DHX57: variants seen among roughly 807,000 people sequenced by gnomAD.
DHX57 encodes the protein putative ATP-dependent RNA helicase DHX57.
Under a neutral mutation model 156.2 loss-of-function variants are expected in DHX57, and 105 were observed. The observed-to-expected ratio is 0.67, with a 90% CI of 0.57 to 0.79. The LOEUF (loss-of-function observed/expected upper bound fraction) is 0.79, where lower values mean the gene tolerates loss of function less well. DHX57 is among the 30% of genes least tolerant of loss of function. DHX57 has a pLI of 0.00. For synonymous variants in DHX57, 704 were observed against 595.6 expected, an observed-to-expected ratio of 1.18 and a Z score of -2.65; for missense variants, 1,847 against 1,661.9, an observed-to-expected ratio of 1.11 and a Z score of -1.94.
At chr2:38,831,882 C>T (rs1671402375) in intron 13 of DHX57, among the ~76,000 whole-genome samples, 1 of 150,694 alleles carries the variant, frequency 6.6e-6, no homozygotes, top group African/African-American at 2.4e-5. Context: ...AGCTGGGGGA[C>T]ATGGTGGTGC....
intron 9 of DHX57, among the ~76,000 whole-genome samples, chr2:38,851,028 G>C (rs932096527): frequency 6.6e-6 from 1 of 151,608 alleles, no homozygotes; most frequent in Non-Finnish European, 1.5e-5. Context: ...AGTGAGCTGA[G>C]ACTGCACCAC....
At chr2:38,857,172 G>A (rs1199383269) in intron 6 of DHX57, 1 of 154,004 alleles carries the variant, frequency 6.5e-6, no homozygotes, top group Non-Finnish European at 1.5e-5. Context: ...GTGTTACTGA[G>A]GAACTGAATT....
Position 38,823,099 on chromosome 2 carries a change from A to G in DHX57, c.3185T>C (p.Leu1062Pro), listed in dbSNP as rs1239608459. 1 of 1,614,218 alleles carries G rather than the reference A, an allele frequency of 6.2e-7. No homozygotes were observed. The highest frequency in any genetic ancestry group is 8.5e-7 in the Non-Finnish European group (1 of 1,180,032). ...TTTGCCAATTCTCACATCCACGGGC[A>G]GAGAGGCCAAATGATACCCAAGAGG... ...LTPLGYHLAS[L>P]PVDVRIGKLM... The change falls in exon 17 of 24, where the codon CTG becomes CCG. Residue 1062 changes from leucine to proline, a missense_variant. Transcript: ENST00000457308.
intron 12 of DHX57, among the ~76,000 whole-genome samples, chr2:38,841,960 T>C (rs998212436): frequency 6.6e-6 from 1 of 152,220 alleles, no homozygotes; most frequent in Non-Finnish European, 1.5e-5. Context: ...GGATATTAAA[T>C]GGTTTTAAAA....
At position 38,868,270 on chromosome 2, in the gene DHX57, C is replaced by T; in HGVS notation, c.136G>A (p.Gly46Arg). The change falls in exon 2 of 24, where the codon GGA (glycine) becomes AGA (arginine). Residue 46 changes from glycine (G) to arginine (R), a missense_variant. By Grantham distance (125) the Gly-to-Arg change is moderately radical. Transcript: ENST00000457308. ...GAGGCCTTTCTGTTGCCGCCACCTC[C>T]ACCACCACCACCACCGCCACCGCCA... ...SGGGGGGGGG[G>R]GGGNRKASSR... 1 of 1,604,244 alleles carries T rather than the reference C, an allele frequency of 6.2e-7. No homozygotes were observed. Among genetic ancestry groups the T allele is most frequent in the Non-Finnish European group, 8.5e-7 (1 of 1,174,858 alleles).
chr2:38,855,299 A>T, intron 7 of DHX57, 47 bp from the exon 8 acceptor site: 1 of 1,563,302 alleles, frequency 6.4e-7, no homozygotes, highest in Non-Finnish European at 8.8e-7. Flanking sequence ...TTCAAGGGCT[A>T]GTTAACTAAA....
intron 14 of DHX57, among the ~76,000 whole-genome samples, chr2:38,828,098 C>T (rs1185295351): frequency 1.3e-5 from 2 of 152,122 alleles, no homozygotes; most frequent in African/African-American, 2.4e-5. Context: ...TCAGGTGATC[C>T]GCCCGCCTCG....
chr2:38,869,490 A>G (rs931171390), intron 1 of DHX57, among the ~76,000 whole-genome samples: 2 of 152,210 alleles, frequency 1.3e-5, no homozygotes, highest in African/African-American at 4.8e-5. Flanking sequence ...CTCAGAAACT[A>G]TTGCTTCAAA....
intron 14 of DHX57, among the ~76,000 whole-genome samples, chr2:38,827,525 TATATATATAC>T (rs1241607949): frequency 3.5e-5 from 2 of 57,694 alleles, no homozygotes; most frequent in African/African-American, 1.1e-4. Context: ...TATATATATA[TATATATATAC>T]ACACATACAT....
intron 22 of DHX57, 138 bp from the exon 23 acceptor site, chr2:38,803,053 C>T: frequency 1.3e-6 from 1 of 783,184 alleles, no homozygotes; most frequent in Non-Finnish European, 2.1e-6. Flanking sequence ...TCCTGAGCTC[C>T]AGATCTGCAG....
chr2:38,822,372 C>T lies in DHX57; in HGVS notation c.3291+621G>A, dbSNP rs896595836. Among the ~76,000 whole-genome samples the T allele has an allele frequency of 3.3e-5, 5 of 151,942 alleles. No homozygotes were observed. In the South Asian group the frequency reaches 8.3e-4, roughly 25 times the overall value. On this transcript the variant is annotated intron_variant, in intron 17 of 23. Transcript: ENST00000457308. ...CTGGGATTACAGGCGTGAGCCACCA[C>T]GCCAGGCCCTAAAGAAGAATTAATA...
intron 19 of DHX57, among the ~76,000 whole-genome samples, chr2:38,818,638 T>A (rs1010734392): frequency 4.6e-5 from 7 of 152,112 alleles, no homozygotes; most frequent in African/African-American, 1.7e-4. Context: ...TTCTACCCTA[T>A]CTTCCGCATA....
chr2:38,854,873 T>C, intron 8 of DHX57, 184 bp downstream of exon 8: 1 of 605,862 alleles, frequency 1.7e-6, no homozygotes, highest in African/African-American at 1.9e-5. Context: ...TAAGAGTTCT[T>C]ATACCAAAAT....
chr2:38,842,845 A>G (rs1217550276), intron 12 of DHX57, among the ~76,000 whole-genome samples, 160 bp downstream of exon 12: 1 of 152,222 alleles, frequency 6.6e-6, no homozygotes, highest in African/African-American at 2.4e-5. Flanking sequence ...TATTCTAAAT[A>G]TGTATCTGAA....
Position 38,826,048 on chromosome 2 carries a change from C to T in DHX57, c.2814-1G>A. ...TTCCATCCCTTTGCTGGCATCATAT[C>T]TATAAAGAAAAAGAAAATATAAATT... is the stretch of plus-strand genomic sequence containing the variant. On this transcript the variant is annotated splice_acceptor_variant, in intron 15 of 23. Coordinates refer to ENST00000457308, the MANE Select transcript of DHX57 (RefSeq NM_198963.3). LOFTEE classifies it high-confidence loss of function. The T allele has an allele frequency of 6.2e-7, 1 of 1,612,344 alleles. No homozygotes were observed. Among genetic ancestry groups the T allele is most frequent in the South Asian group, 1.1e-5 (1 of 90,920 alleles).
At chr2:38,806,780 C>T in intron 21 of DHX57, 87 bp from the exon 22 acceptor site, 2 of 1,278,774 alleles carry the variant, frequency 1.6e-6, no homozygotes, top group South Asian at 1.5e-5. Context: ...CAAAACCAGT[C>T]TTGCTCAGTC....
At position 38,861,447 on chromosome 2, in the gene DHX57, G is replaced by C. The variant is rs1275191648; in HGVS notation, c.963C>G (p.Phe321Leu). ...TTTGATTTGGGGGCACTTCATGTTT[G>C]AATCTGCATTTTGATCCAAATTTAC... Reference protein sequence around the residue: ...GNCKFGSKCRFKHEVPPNQIV... With the variant: ...GNCKFGSKCRLKHEVPPNQIV... The change falls in exon 5 of 24, where the codon TTC becomes TTG. Residue 321 changes from phenylalanine (F) to leucine (L), a missense_variant. Physicochemically the swap from Phe to Leu is conservative, Grantham distance 22. Transcript: ENST00000457308. 1 of 1,614,020 alleles carries C rather than the reference G, an allele frequency of 6.2e-7. No individual in the cohort carries two copies. The highest frequency in any genetic ancestry group is 8.5e-7 in the Non-Finnish European group (1 of 1,180,002).
chr2:38,872,410 T>A (rs1665397639), intron 1 of DHX57, among the ~76,000 whole-genome samples: 4 of 152,120 alleles, frequency 2.6e-5, no homozygotes, highest in South Asian at 4.1e-4. Context: ...TGTGAGAGAA[T>A]AAAGCAGTCC....
At chr2:38,856,542 T>G (rs1335625664) in intron 6 of DHX57, 81 bp from the exon 7 acceptor site, 28 of 1,489,664 alleles carry the variant, frequency 1.9e-5, no homozygotes, top group Non-Finnish European at 2.5e-5. Flanking sequence ...TCTCACTCTG[T>G]TGCCAGGCTG....
Sources: gnomAD v4.1 joint callset for allele counts (sites outside exome capture counted in the v4.1 genomes callset) on GRCh38, gnomAD v4.1.1 for gene constraint, MANE v1.5 for transcripts, NCBI Gene and HGNC (gene_info 2026-07-23, HGNC 2026-07-21) for gene names.